The following ADAMTSL1 variants were observed in gnomAD, a reference collection of about 807,000 sequenced individuals.
The protein encoded by ADAMTSL1 is ADAMTS like 1, also known as ADAMTS-like protein 1.
ADAMTSL1 carries 126 observed loss-of-function variants against 201.8 expected under a neutral mutation model. That is an observed-to-expected ratio of 0.62 (90% CI 0.54 to 0.72). The LOEUF (loss-of-function observed/expected upper bound fraction) is 0.72. Ranked by LOEUF, ADAMTSL1 falls within the 30% of genes least tolerant of loss-of-function variation. ADAMTSL1 has a pLI of 0.00. For missense variants in ADAMTSL1, 2,679 were observed against 2,277.8 expected (o/e 1.18, Z -3.59); for synonymous variants, 1,121 against 903.4 (o/e 1.24, Z -4.32).
intron 13 of ADAMTSL1, among the ~76,000 whole-genome samples, chr9:18,691,741 C>T (rs1831231811): frequency 6.6e-6 from 1 of 152,166 alleles, no homozygotes; most frequent in Admixed American, 6.5e-5. Context: ...CAATCTTGAC[C>T]TTGGGAAAGT....
intron 1 of ADAMTSL1, among the ~76,000 whole-genome samples, chr9:18,035,260 C>T (rs1821144316): frequency 6.6e-6 from 1 of 152,128 alleles, no homozygotes; most frequent in Non-Finnish European, 1.5e-5. Context: ...TAGAGGAATG[C>T]CTGTTAGGCA....
intron 2 of ADAMTSL1, among the ~76,000 whole-genome samples, chr9:18,202,726 C>CA (rs1184170585): frequency 6.6e-6 from 1 of 152,158 alleles, no homozygotes; most frequent in Admixed American, 6.6e-5. Flanking sequence ...ATGCTTCTCT[C>CA]TTCAAGGCTA....
At chr9:18,823,711 C>T (rs184709109) in intron 21 of ADAMTSL1, among the ~76,000 whole-genome samples, 3 of 152,212 alleles carry the variant, frequency 2.0e-5, no homozygotes, top group East Asian at 1.9e-4. Flanking sequence ...TTTGCAGGGC[C>T]GGCATGGTGG....
chr9:18,398,165 A>T (rs1193572482), intron 2 of ADAMTSL1, among the ~76,000 whole-genome samples: 2 of 152,192 alleles, frequency 1.3e-5, no homozygotes, highest in East Asian at 1.9e-4. Context: ...ATTAAATAGA[A>T]TCAGCCTTCT....
intron 1 of ADAMTSL1, among the ~76,000 whole-genome samples, chr9:18,013,903 C>T (rs1238154751): frequency 6.6e-6 from 1 of 151,772 alleles, no homozygotes; most frequent in Non-Finnish European, 1.5e-5. Flanking sequence ...AATTAAAAGC[C>T]AAGGTTTGAA....
chr9:18,253,376 A>G (rs1200698709), intron 2 of ADAMTSL1, among the ~76,000 whole-genome samples: 1 of 152,234 alleles, frequency 6.6e-6, no homozygotes, highest in Non-Finnish European at 1.5e-5. Flanking sequence ...CAATGATCAT[A>G]TATTAGTTTA....
chr9:18,155,214 A>G (rs148538080), intron 1 of ADAMTSL1, among the ~76,000 whole-genome samples: 7 of 152,206 alleles, frequency 4.6e-5, no homozygotes, highest in African/African-American at 1.4e-4. Flanking sequence ...TTGTGAAACA[A>G]TGTGAGTTAG....
intron 2 of ADAMTSL1, among the ~76,000 whole-genome samples, chr9:18,506,830 G>T (rs368941522): frequency 6.6e-6 from 1 of 151,916 alleles, no homozygotes; most frequent in Non-Finnish European, 1.5e-5. Flanking sequence ...TGGGGCGGAG[G>T]TTGACTACCC....
At chr9:18,008,439 C>T (rs1819919058) in intron 1 of ADAMTSL1, among the ~76,000 whole-genome samples, 1 of 151,930 alleles carries the variant, frequency 6.6e-6, no homozygotes, top group Non-Finnish European at 1.5e-5. Flanking sequence ...TGATTCAGCT[C>T]TTGTCTGCCA....
chr9:18,457,884 G>A (rs1337934920), intron 2 of ADAMTSL1, among the ~76,000 whole-genome samples: 5 of 152,260 alleles, frequency 3.3e-5, no homozygotes, highest in South Asian at 2.1e-4. Context: ...CCTGTATTCT[G>A]TCTAGCTCAT....
At chr9:18,701,279 G>A (rs185507329) in intron 13 of ADAMTSL1, among the ~76,000 whole-genome samples, 15 of 140,532 alleles carry the variant, frequency 1.1e-4, no homozygotes, top group African/African-American at 4.0e-4. Context: ...GAATACAGTA[G>A]CAAGATCTCA....
At position 18,412,397 on chromosome 9, in the gene ADAMTSL1, C is replaced by G. The variant is rs1344821336; in HGVS notation, c.208-92432C>G. ...TTAGCATCCATCTACAATTATTACC[C>G]ACATGTATTATTTCATTACTGGTTG... On this transcript the variant is annotated intron_variant, in intron 2 of 29. Coordinates refer to the ADAMTSL1 transcript ENST00000680146. 3.9e-5 allele frequency among the ~76,000 whole-genome samples: 6 copies of G among 152,186 alleles called. No homozygotes were observed. The East Asian group carries it at 9.6e-4, about 24-fold the overall frequency.
intron 14 of ADAMTSL1, 48 bp downstream of exon 14, chr9:18,707,096 T>A (rs901801983): frequency 1.3e-6 from 2 of 1,575,646 alleles, no homozygotes; most frequent in Middle Eastern, 3.4e-4. Flanking sequence ...TCTTGCTCAT[T>A]TTCTCTCTCT....
chr9:18,148,130 A>G (rs1476646747), intron 1 of ADAMTSL1, among the ~76,000 whole-genome samples: 1 of 152,248 alleles, frequency 6.6e-6, no homozygotes, highest in East Asian at 1.9e-4. Context: ...AAACATAGTA[A>G]TGTGTCTACA....
chr9:18,635,944 G>T lies in ADAMTSL1; in HGVS notation c.603G>T (p.Ser201=). 6.3e-7 allele frequency: 1 copy of T among 1,597,972 alleles called. No individual in the cohort carries two copies. Among genetic ancestry groups the T allele is most frequent in the Non-Finnish European group, 8.5e-7 (1 of 1,176,090 alleles). ...AGATTTTGCTTTGTTTCTCTCTAGC[G>T]GATGATACTGTGGTTGCAATTCCCT... ...QYKSQLSATK[S]DDTVVAIPYG... The change falls in exon 6 of 29, where the codon TCG becomes TCT. Residue 201 remains serine (S), a splice_region_variant and synonymous_variant. Transcript: ENST00000380548.
In ADAMTSL1 at chr9:18,233,775, A is replaced by T. The variant is rs112436280; in HGVS notation, c.207+69794A>T. Among the ~76,000 whole-genome samples, 999 of 152,348 alleles carry T rather than the reference A, an allele frequency of 6.6e-3. 5 individuals are homozygous for T. The highest frequency in any genetic ancestry group is 0.014 in the Middle Eastern group (4 of 294). On this transcript the variant is annotated intron_variant, in intron 2 of 29. Coordinates refer to the ADAMTSL1 transcript ENST00000680146. ...CTGTACTGCTGATGGACGGAACAGC[A>T]CTTACACGCTTTCTTCTACAGAAAT...
At chr9:18,532,389 C>G (rs1819497689) in intron 2 of ADAMTSL1, among the ~76,000 whole-genome samples, 2 of 152,064 alleles carry the variant, frequency 1.3e-5, no homozygotes, top group African/African-American at 2.4e-5. Context: ...CAGTCAGAAA[C>G]TTTGATAAAA....
intron 1 of ADAMTSL1, among the ~76,000 whole-genome samples, chr9:18,498,812 G>GA (rs370717645): frequency 6.6e-6 from 1 of 151,968 alleles, no homozygotes; most frequent in Admixed American, 6.6e-5. Flanking sequence ...GTAAAATAAG[G>GA]AAAAAAAATT....
intron 2 of ADAMTSL1, among the ~76,000 whole-genome samples, chr9:18,166,267 T>C (rs1165826580): frequency 1.3e-5 from 2 of 151,930 alleles, no homozygotes; most frequent in Non-Finnish European, 2.9e-5. Context: ...TGATAAATGC[T>C]CATTTGTGTT....
Sources: gnomAD v4.1 joint callset for allele counts (sites outside exome capture counted in the v4.1 genomes callset) on GRCh38, gnomAD v4.1.1 for gene constraint, MANE v1.5 for transcripts, NCBI Gene and HGNC (gene_info 2026-07-23, HGNC 2026-07-21) for gene names.